The following PHAF1 variants were observed in gnomAD, a reference collection of about 807,000 sequenced individuals.
The protein encoded by PHAF1 is phagophore assembly factor 1.
A neutral mutation model predicts 63.1 loss-of-function variants in PHAF1; 23 were observed. That is an observed-to-expected ratio of 0.36 (90% CI 0.26 to 0.52). PHAF1 has a LOEUF of 0.52. Among genes scored for constraint, PHAF1 ranks in the 20% least tolerant of loss-of-function variants. The probability of loss-of-function intolerance (pLI) is 0.93; values close to 1 mark genes in which losing one functional copy is unlikely to be tolerated. For missense variants in PHAF1, 427 were observed against 517.2 expected (o/e 0.83, Z 1.69); for synonymous variants, 167 against 185.0 (o/e 0.90, Z 0.79).
In PHAF1 at chr16:67,132,474, G is replaced by T. The variant is rs1284393131; in HGVS notation, c.304G>T (p.Ala102Ser). The T allele has an allele frequency of 6.2e-7, 1 of 1,613,494 alleles. No individual in the cohort carries two copies. The highest frequency in any genetic ancestry group is 8.5e-7 in the Non-Finnish European group (1 of 1,179,652). Residue 102 changes from alanine to serine, a missense_variant, in exon 5 of 16, where the codon GCT (alanine) becomes TCT (serine). Physicochemically the swap from Ala to Ser is moderately conservative, Grantham distance 99. Coordinates refer to ENST00000219139, the MANE Select transcript of PHAF1 (RefSeq NM_025187.5). ...CGVHFNSQAI[A>S]PTIEQIDQSF... The stretch of plus-strand genomic sequence containing the variant: ...CGTGCATTTTAATTCTCAGGCCATA[G>T]CTCCTACCATTGAACAGATTGACCA...
Position 67,131,287 on chromosome 16 carries a change from T to C in PHAF1, c.233T>C (p.Val78Ala), listed in dbSNP as rs761426908. The change falls in exon 4 of 16, where the codon GTG (valine) becomes GCG (alanine). Residue 78 changes from valine (V) to alanine (A), a missense_variant and splice_region_variant. Coordinates refer to ENST00000219139, the MANE Select transcript of PHAF1 (RefSeq NM_025187.5). ...GACAACTCTTAAACTTTTTTTTAGG[T>C]GATCGAAGTATGTGATTTGACTAAA... ...MFDAFNQRLK[V>A]IEVCDLTKVK... is the part of the protein sequence containing the mutation. The C allele has an allele frequency of 1.3e-6, 2 of 1,591,950 alleles. No individual in the cohort carries two copies. Among genetic ancestry groups the C allele is most frequent in the South Asian group, 1.1e-5 (1 of 87,370 alleles).
At chr16:67,132,641 G>A (rs756226782) in intron 5 of PHAF1, 116 bp downstream of exon 5, 2 of 1,304,202 alleles carry the variant, frequency 1.5e-6, no homozygotes, top group East Asian at 2.3e-5. Context: ...GGATTGTGGG[G>A]TTGGTACTTG....
intron 1 of PHAF1, among the ~76,000 whole-genome samples, chr16:67,118,460 C>T (rs1333176580): frequency 2.0e-5 from 3 of 151,012 alleles, no homozygotes; most frequent in Non-Finnish European, 4.4e-5. Context: ...CCTCAGCCTC[C>T]AGAGTAGCTG....
intron 1 of PHAF1, among the ~76,000 whole-genome samples, chr16:67,113,710 A>C (rs1044962488): frequency 4.0e-5 from 6 of 149,508 alleles, no homozygotes; most frequent in African/African-American, 1.5e-4. Flanking sequence ...CGGCCTCCCA[A>C]AGTGCTGGGA....
intron 2 of PHAF1, among the ~76,000 whole-genome samples, chr16:67,121,194 C>CT (rs558148750): frequency 0.028 from 4,023 of 142,714 alleles, 58 homozygotes; most frequent in Admixed American, 0.034. Context: ...GCAGGGGTTT[C>CT]TTTTTTTTTT....
At chr16:67,141,032 G>C (rs935118079) in intron 10 of PHAF1, among the ~76,000 whole-genome samples, 2 of 152,234 alleles carry the variant, frequency 1.3e-5, no homozygotes, top group African/African-American at 4.8e-5. Flanking sequence ...ATGGACCCAG[G>C]GAGCTGGATA....
At chr16:67,126,594 G>GTTTTTT (rs201265915) in intron 3 of PHAF1, among the ~76,000 whole-genome samples, 5 of 144,234 alleles carry the variant, frequency 3.5e-5, no homozygotes, top group Non-Finnish European at 6.0e-5. Context: ...TTTTGTTTTT[G>GTTTTTT]GTTTTTTTTT....
chr16:67,131,039 G>A (rs1244115257), intron 3 of PHAF1, among the ~76,000 whole-genome samples: 2 of 152,154 alleles, frequency 1.3e-5, no homozygotes, highest in Non-Finnish European at 2.9e-5. Flanking sequence ...GATCATTTGA[G>A]CCCAGGAGTT....
chr16:67,123,958 G>T (rs1963087186), intron 2 of PHAF1, among the ~76,000 whole-genome samples: 1 of 152,178 alleles, frequency 6.6e-6, no homozygotes. Context: ...AGGACAGCTA[G>T]GTTACTGGAA....
chr16:67,118,759 T>A (rs1962854143), intron 1 of PHAF1, among the ~76,000 whole-genome samples: 1 of 148,422 alleles, frequency 6.7e-6, no homozygotes, highest in Non-Finnish European at 1.5e-5. Flanking sequence ...GGATGAGTGA[T>A]CTTAAACTTT....
intron 8 of PHAF1, chr16:67,134,684 G>A (rs774006059): frequency 1.1e-4 from 75 of 653,102 alleles, no homozygotes; most frequent in Non-Finnish European, 1.9e-4. Flanking sequence ...ATCTGGATGC[G>A]CCTGCAGTCT....
chr16:67,146,347 T>C lies in PHAF1; in HGVS notation c.1179T>C (p.Phe393=). The change falls in exon 15 of 16, where the codon TTT becomes TTC. Residue 393 remains phenylalanine (F), a synonymous_variant. Transcript: ENST00000219139. ...GCTTTGGTCTTCAGCGAATGATCTT[T>C]GAGGTAAGCTGTGGAAGCCCTAGAA... ...TFCFGLQRMI[F]EVMQNNHIAS... is the part of the protein sequence containing the mutation. The C allele has an allele frequency of 6.2e-7, 1 of 1,613,890 alleles. No homozygotes were observed. The highest frequency in any genetic ancestry group is 8.5e-7 in the Non-Finnish European group (1 of 1,179,754).
chr16:67,132,770 C>A, intron 5 of PHAF1, 47 bp from the exon 6 acceptor site: 1 of 1,501,264 alleles, frequency 6.7e-7, no homozygotes, highest in Non-Finnish European at 9.3e-7. Context: ...TTAGCCATTT[C>A]AGATGCCAGT....
At chr16:67,136,308 G>GA (rs574096104) in intron 8 of PHAF1, 376 of 131,508 alleles carry the variant, frequency 2.9e-3, no homozygotes, top group African/African-American at 4.2e-3. Context: ...CCTTCTCACA[G>GA]AAAAAAAAAA....
At position 67,148,018 on chromosome 16, in the gene PHAF1, C is replaced by A. The variant is rs1394653108; in HGVS notation, c.*887C>A. The A allele has an allele frequency of 6.6e-6, 1 of 152,606 alleles. No individual in the cohort carries two copies. The highest frequency in any genetic ancestry group is 1.5e-5 in the Non-Finnish European group (1 of 68,042). The allele number at this position is 152,606 out of a possible 1,614,324, so 9.5% of individuals were successfully genotyped here. Reference sequence around the variant, plus strand: ...TCAAGGAAGGCTGGGCTGCTCAGTCCCTTCATGGGTCTTGCTAATGGAAAG... The same window carrying A: ...TCAAGGAAGGCTGGGCTGCTCAGTCACTTCATGGGTCTTGCTAATGGAAAG... On this transcript the variant is annotated 3_prime_UTR_variant, in exon 16 of 16. Coordinates refer to ENST00000219139, the MANE Select transcript of PHAF1 (RefSeq NM_025187.5).
intron 1 of PHAF1, among the ~76,000 whole-genome samples, chr16:67,111,782 C>A (rs1962524994): frequency 6.6e-6 from 1 of 152,152 alleles, no homozygotes; most frequent in South Asian, 2.1e-4. Flanking sequence ...TGCCACCACA[C>A]CCGGCTAATT....
intron 2 of PHAF1, among the ~76,000 whole-genome samples, chr16:67,121,832 G>A (rs1044136421): frequency 2.6e-5 from 4 of 151,928 alleles, no homozygotes; most frequent in South Asian, 2.1e-4. Flanking sequence ...CACCGGCCTC[G>A]GCCTCCCAAA....
chr16:67,132,757 A>G, intron 5 of PHAF1, 60 bp from the exon 6 acceptor site: 2 of 1,447,478 alleles, frequency 1.4e-6, no homozygotes, highest in Non-Finnish European at 9.7e-7. Context: ...AGGCTGGTTT[A>G]TGTTAGCCAT....
At chr16:67,118,123 A>AT (rs772394136) in intron 1 of PHAF1, among the ~76,000 whole-genome samples, 1,944 of 120,852 alleles carry the variant, frequency 0.016, 24 homozygotes, top group Admixed American at 0.031. Context: ...CGCCCGGCTA[A>AT]TTTTTTTTTT....
Sources: gnomAD v4.1 joint callset for allele counts (sites outside exome capture counted in the v4.1 genomes callset) on GRCh38, gnomAD v4.1.1 for gene constraint, MANE v1.5 for transcripts, NCBI Gene and HGNC (gene_info 2026-07-23, HGNC 2026-07-21) for gene names.